KCNIP4: variants seen among roughly 807,000 people sequenced by gnomAD.
KCNIP4 encodes the protein Kv channel-interacting protein 4.
A neutral mutation model predicts 34.0 loss-of-function variants in KCNIP4; 12 were observed. The ratio of observed to expected loss-of-function variants is 0.35; its 90% CI spans 0.23 to 0.57. KCNIP4 has a LOEUF of 0.57. KCNIP4 is among the 20% of genes least tolerant of loss of function. KCNIP4 has a pLI of 0.83. For missense variants in KCNIP4, 238 were observed against 311.7 expected, an observed-to-expected ratio of 0.76 and a Z score of 1.78; for synonymous variants, 124 against 102.2, an observed-to-expected ratio of 1.21 and a Z score of -1.29.
At chr4:20,994,046 A>T (rs564992999) in intron 1 of KCNIP4, among the ~76,000 whole-genome samples, 33 of 152,132 alleles carry the variant, frequency 2.2e-4, no homozygotes, top group Non-Finnish European at 4.3e-4. Context: ...TATCCTTGTG[A>T]TTACATTGGG....
intron 3 of KCNIP4, among the ~76,000 whole-genome samples, chr4:20,807,909 A>C (rs1343849496): frequency 1.3e-5 from 2 of 152,168 alleles, no homozygotes; most frequent in East Asian, 3.9e-4. Flanking sequence ...CCTACAGTAC[A>C]TCTAACAAGT....
intron 5 of KCNIP4, among the ~76,000 whole-genome samples, chr4:20,748,622 A>AATGTATATAT (rs1752955152): frequency 7.4e-6 from 1 of 134,538 alleles, no homozygotes; most frequent in Non-Finnish European, 1.6e-5. Context: ...AGTAAATATA[A>AATGTATATAT]ATGTATATAT....
At chr4:21,093,142 G>A (rs925947110) in intron 1 of KCNIP4, among the ~76,000 whole-genome samples, 1 of 152,132 alleles carries the variant, frequency 6.6e-6, no homozygotes, top group African/African-American at 2.4e-5. Context: ...AAACCATTAA[G>A]GTTGAGCAGG....
intron 3 of KCNIP4, among the ~76,000 whole-genome samples, chr4:20,760,910 G>A (rs1231795923): frequency 6.6e-6 from 1 of 152,208 alleles, no homozygotes; most frequent in African/African-American, 2.4e-5. Context: ...GGGCCATAGT[G>A]TCCAAGTGTT....
At chr4:20,998,152 C>T (rs577269129) in intron 1 of KCNIP4, among the ~76,000 whole-genome samples, 1 of 152,130 alleles carries the variant, frequency 6.6e-6, no homozygotes, top group Non-Finnish European at 1.5e-5. Flanking sequence ...AAATAATCAA[C>T]CTTCCAGAAG....
At chr4:21,607,725 G>T (rs1743821376) in intron 1 of KCNIP4, among the ~76,000 whole-genome samples, 1 of 151,998 alleles carries the variant, frequency 6.6e-6, no homozygotes, top group Non-Finnish European at 1.5e-5. Context: ...GTAGGCCTAA[G>T]ATGTCATGCA....
intron 1 of KCNIP4, among the ~76,000 whole-genome samples, chr4:21,672,958 A>G (rs1201466575): frequency 6.6e-6 from 1 of 152,216 alleles, no homozygotes; most frequent in African/African-American, 2.4e-5. Context: ...CCAGAGGGAG[A>G]CAGTGACATG....
At position 21,699,914 on chromosome 4, in the gene KCNIP4, C is replaced by T. The variant is rs1712697512; in HGVS notation, c.61+248657G>A. On this transcript the variant is annotated intron_variant, in intron 1 of 8. Transcript: ENST00000382152. ...CATGTGAGGGGGCATCACAGTGGCC[C>T]AGGTGAGAAACAATGGTGGCATGGC... Among the ~76,000 whole-genome samples, 3 of 152,150 alleles carry T rather than the reference C, an allele frequency of 2.0e-5. No individual in the cohort carries two copies. The South Asian group carries it at 6.2e-4, about 32-fold the overall frequency.
At chr4:20,786,192 G>A (rs981534727) in intron 3 of KCNIP4, among the ~76,000 whole-genome samples, 1 of 152,050 alleles carries the variant, frequency 6.6e-6, no homozygotes, top group Non-Finnish European at 1.5e-5. Context: ...ACTCACACAG[G>A]AACAGAAAAC....
intron 1 of KCNIP4, among the ~76,000 whole-genome samples, chr4:21,910,909 C>G (rs1022783743): frequency 2.0e-5 from 3 of 152,100 alleles, no homozygotes; most frequent in African/African-American, 7.2e-5. Context: ...ATGATTTACC[C>G]TAGCTTAGTC....
chr4:21,174,623 G>A (rs1287121579), intron 1 of KCNIP4, among the ~76,000 whole-genome samples: 1 of 152,086 alleles, frequency 6.6e-6, no homozygotes, highest in Non-Finnish European at 1.5e-5. Flanking sequence ...TAGTAGGCTG[G>A]GCGCAGTGGC....
chr4:21,097,188 C>T (rs1435808328), intron 1 of KCNIP4, among the ~76,000 whole-genome samples: 11 of 151,860 alleles, frequency 7.2e-5, no homozygotes, highest in Non-Finnish European at 1.2e-4. Context: ...AAAGTGGAAA[C>T]AGGCCAAATG....
chr4:20,731,540 G>A (rs1748207976), intron 8 of KCNIP4: 4 of 985,366 alleles, frequency 4.1e-6, no homozygotes, highest in Non-Finnish European at 4.8e-6. Context: ...CAGTCAAAGA[G>A]CCATTTCTTG....
In KCNIP4 at chr4:21,938,678, T is replaced by C. The variant is rs559537245; in HGVS notation, c.61+9893A>G. ...TTATTATTTCACAGAAGACAAGGACTGCACCTACTGATATCCTTCATTAAG... is the reference window on the plus strand; with the variant it reads ...TTATTATTTCACAGAAGACAAGGACCGCACCTACTGATATCCTTCATTAAG... On this transcript the variant is annotated intron_variant, in intron 1 of 8. Coordinates refer to ENST00000382152, the MANE Select transcript of KCNIP4 (RefSeq NM_025221.6). Among the ~76,000 whole-genome samples, 6 of 152,290 alleles carry C rather than the reference T, an allele frequency of 3.9e-5. No homozygotes were observed. The South Asian group carries it at 8.3e-4, about 21-fold the overall frequency.
intron 1 of KCNIP4, among the ~76,000 whole-genome samples, chr4:21,521,066 C>T (rs1735481773): frequency 6.6e-6 from 1 of 152,112 alleles, no homozygotes; most frequent in African/African-American, 2.4e-5. Context: ...AGCTTTATCT[C>T]TTTTGTGCCT....
At chr4:21,208,511 A>G (rs1229669790) in intron 1 of KCNIP4, among the ~76,000 whole-genome samples, 1 of 152,102 alleles carries the variant, frequency 6.6e-6, no homozygotes, top group Non-Finnish European at 1.5e-5. Flanking sequence ...ACATGCTTCA[A>G]CCACACCTGC....
chr4:21,565,031 G>T (rs1042124429), intron 1 of KCNIP4, among the ~76,000 whole-genome samples: 13 of 152,148 alleles, frequency 8.5e-5, no homozygotes, highest in African/African-American at 3.1e-4. Flanking sequence ...GGGCTAATAT[G>T]CAAACCATAG....
chr4:20,828,288 G>T (rs762418041), intron 3 of KCNIP4, among the ~76,000 whole-genome samples: 19 of 152,152 alleles, frequency 1.2e-4, no homozygotes, highest in Non-Finnish European at 2.8e-4. Flanking sequence ...TTAGCTGGGT[G>T]TGGCAGTGTG....
chr4:20,995,073 T>G (rs1185581418), intron 1 of KCNIP4, among the ~76,000 whole-genome samples: 1 of 152,210 alleles, frequency 6.6e-6, no homozygotes, highest in Non-Finnish European at 1.5e-5. Context: ...ATATTTACAC[T>G]TTTCCAGGCT....
Sources: gnomAD v4.1 joint callset for allele counts (sites outside exome capture counted in the v4.1 genomes callset) on GRCh38, gnomAD v4.1.1 for gene constraint, MANE v1.5 for transcripts, NCBI Gene and HGNC (gene_info 2026-07-23, HGNC 2026-07-21) for gene names.